ARHGEF7: variants seen among roughly 807,000 people sequenced by gnomAD.
ARHGEF7 encodes the protein PAK-interacting exchange factor beta.
ARHGEF7 carries 33 observed loss-of-function variants against 109.8 expected under a neutral mutation model. That is an observed-to-expected ratio of 0.30 (90% CI 0.23 to 0.40). ARHGEF7 has a LOEUF of 0.40. Among genes scored for constraint, ARHGEF7 ranks in the 10% least tolerant of loss-of-function variants. ARHGEF7 has a pLI of 1.00. For missense variants in ARHGEF7, 938 were observed against 1,098.5 expected (o/e 0.85, Z 2.07); for synonymous variants, 458 against 424.6 (o/e 1.08, Z -0.97).
At chr13:111,175,951 A>G (rs1394165636) in intron 2 of ARHGEF7, among the ~76,000 whole-genome samples, 6 of 152,174 alleles carry the variant, frequency 3.9e-5, no homozygotes, top group Non-Finnish European at 8.8e-5. Flanking sequence ...GGGCAGGGAA[A>G]AGCCCCTTAT....
chr13:111,208,339 C>G (rs2082123092), intron 3 of ARHGEF7, among the ~76,000 whole-genome samples: 1 of 152,172 alleles, frequency 6.6e-6, no homozygotes, highest in East Asian at 1.9e-4. Context: ...TGCGCCTGGC[C>G]TCGTTTCTTT....
At chr13:111,133,965 A>G (rs1448066754) in intron 1 of ARHGEF7, among the ~76,000 whole-genome samples, 2 of 119,400 alleles carry the variant, frequency 1.7e-5, no homozygotes, top group Non-Finnish European at 3.5e-5. Flanking sequence ...CCCCCACCCC[A>G]CAACAGGCCC....
rs1456492958 is a variant in ARHGEF7, at chr13:111,160,265, A to G, written c.252+6274A>G. On this transcript the variant is annotated intron_variant, in intron 2 of 21. Transcript: ENST00000646102. ...TTTGGCTGCTATAGCTTGGTAATAC[A>G]CTTTGAAATCAGGTAGTGTGATGCC... 2.0e-5 allele frequency among the ~76,000 whole-genome samples: 3 copies of G among 150,780 alleles called. No individual in the cohort carries two copies. In the East Asian group the frequency reaches 5.8e-4, roughly 29 times the overall value.
intron 2 of ARHGEF7, among the ~76,000 whole-genome samples, chr13:111,162,842 T>C (rs1458630033): frequency 6.6e-6 from 1 of 152,234 alleles, no homozygotes; most frequent in East Asian, 1.9e-4. Flanking sequence ...AACCACTTAC[T>C]GAAACTCAAA....
intron 4 of ARHGEF7, 65 bp downstream of exon 4, chr13:111,210,067 C>A (rs1050645899): frequency 1.3e-6 from 2 of 1,595,778 alleles, no homozygotes; most frequent in African/African-American, 2.7e-5. Flanking sequence ...ATGGATATAT[C>A]TGAGAAGATA....
chr13:111,173,719 T>C (rs1287408960), intron 2 of ARHGEF7, among the ~76,000 whole-genome samples: 3 of 151,974 alleles, frequency 2.0e-5, no homozygotes, highest in Non-Finnish European at 2.9e-5. Context: ...GACCACTGCC[T>C]CTCCCCACAT....
At chr13:111,268,217 T>G (rs1297149134) in intron 9 of ARHGEF7, among the ~76,000 whole-genome samples, 1 of 152,236 alleles carries the variant, frequency 6.6e-6, no homozygotes, top group Non-Finnish European at 1.5e-5. Flanking sequence ...GCTGTTTCAG[T>G]TACTGAGGAG....
At chr13:111,168,256 ACT>A (rs1211368409) in intron 2 of ARHGEF7, among the ~76,000 whole-genome samples, 1 of 140,892 alleles carries the variant, frequency 7.1e-6, no homozygotes, top group Non-Finnish European at 1.6e-5. Flanking sequence ...GGTCTCATCT[ACT>A]CTGTCTCTGC....
In ARHGEF7 at chr13:111,205,389, A is replaced by G. The variant is rs777953552; in HGVS notation, c.337+16A>G. On this transcript the variant is annotated intron_variant, in intron 3 of 21. Coordinates refer to ENST00000646102, the MANE Select transcript of ARHGEF7 (RefSeq NM_001354046.2). ...GTAACAGCAGGTAAGACTCTTTTTTATTGAACTCGAGGGGGTGGGAAGACA... is the reference window on the plus strand; with the variant it reads ...GTAACAGCAGGTAAGACTCTTTTTTGTTGAACTCGAGGGGGTGGGAAGACA... The G allele has an allele frequency of 4.5e-6, 7 of 1,557,174 alleles. No homozygotes were observed. The highest frequency in any genetic ancestry group is 5.2e-6 in the Non-Finnish European group (6 of 1,153,738).
intron 13 of ARHGEF7, among the ~76,000 whole-genome samples, chr13:111,279,301 G>A (rs546289950): frequency 1.3e-5 from 2 of 152,070 alleles, no homozygotes; most frequent in African/African-American, 4.8e-5. Context: ...CTGACGTTCT[G>A]GACTGGATCG....
chr13:111,189,714 C>T (rs1207213370), intron 2 of ARHGEF7, among the ~76,000 whole-genome samples: 2 of 152,188 alleles, frequency 1.3e-5, no homozygotes, highest in African/African-American at 2.4e-5. Flanking sequence ...GTCCATTTTA[C>T]AGAGTGCCGA....
At chr13:111,214,107 C>T (rs941551921) in intron 4 of ARHGEF7, among the ~76,000 whole-genome samples, 2 of 152,202 alleles carry the variant, frequency 1.3e-5, no homozygotes, top group African/African-American at 4.8e-5. Context: ...TCCTTGGATT[C>T]CCCGCTCTCT....
chr13:111,293,918 A>G, intron 19 of ARHGEF7: 1 of 985,450 alleles, frequency 1.0e-6, no homozygotes. Context: ...TCCTGGCAGT[A>G]GCACGTTGTT....
intron 1 of ARHGEF7, among the ~76,000 whole-genome samples, chr13:111,121,607 T>C (rs1434878978): frequency 1.3e-5 from 2 of 149,428 alleles, no homozygotes; most frequent in Non-Finnish European, 3.0e-5. Flanking sequence ...CGTCTCTCAC[T>C]GCACGAGGGA....
At chr13:111,138,510 C>T (rs933782354) in intron 1 of ARHGEF7, among the ~76,000 whole-genome samples, 3 of 152,012 alleles carry the variant, frequency 2.0e-5, no homozygotes, top group African/African-American at 7.3e-5. Flanking sequence ...CACAGCTGGG[C>T]GAACGGCTGC....
intron 1 of ARHGEF7, 121 bp downstream of exon 1, chr13:111,115,812 G>A: frequency 1.1e-5 from 5 of 462,106 alleles, no homozygotes; most frequent in Non-Finnish European, 1.5e-5. Context: ...CTTTGTGCGC[G>A]GAGCGGCGGC....
At chr13:111,231,483 A>C (rs2086045273) in intron 5 of ARHGEF7, among the ~76,000 whole-genome samples, 1 of 152,174 alleles carries the variant, frequency 6.6e-6, no homozygotes, top group African/African-American at 2.4e-5. Flanking sequence ...AAGATTTAGA[A>C]ACTTGACAGT....
chr13:111,206,789 G>A (rs144365726), intron 3 of ARHGEF7, among the ~76,000 whole-genome samples: 2,709 of 151,574 alleles, frequency 0.018, 66 homozygotes, highest in African/African-American at 0.06. Flanking sequence ...GTGAAACCCC[G>A]TCTCAACTAA....
intron 15 of ARHGEF7, chr13:111,281,164 CTT>C (rs1327485001): frequency 1.2e-5 from 1 of 83,522 alleles, no homozygotes; most frequent in East Asian, 2.9e-4. Flanking sequence ...CTCAACAAGT[CTT>C]TGGATATTTA....
Sources: allele counts gnomAD v4.1 joint callset (sites outside exome capture counted in the v4.1 genomes callset), GRCh38; gene constraint gnomAD v4.1.1; transcripts MANE v1.5; gene names NCBI Gene and HGNC (gene_info 2026-07-23, HGNC 2026-07-21).